Variants in FHIP1A observed in about 807,000 individuals in gnomAD.
FHIP1A encodes FHF complex subunit HOOK-interacting protein 1A.
In FHIP1A, 61 loss-of-function variants were observed where a neutral mutation model predicts 88.6. That is an observed-to-expected ratio of 0.69 (90% CI 0.56 to 0.85). The LOEUF (loss-of-function observed/expected upper bound fraction) is 0.85, where lower values mean the gene tolerates loss of function less well. Among genes scored for constraint, FHIP1A ranks in the 40% least tolerant of loss-of-function variants. The pLI, the probability that FHIP1A is intolerant of heterozygous loss-of-function variation, is 0.00. For missense variants in FHIP1A, 1,154 were observed against 1,273.5 expected, an observed-to-expected ratio of 0.91 and a Z score of 1.43; for synonymous variants, 478 against 496.0, an observed-to-expected ratio of 0.96 and a Z score of 0.48.
At chr4:151,411,418 C>T (rs750007396) in intron 1 of FHIP1A, among the ~76,000 whole-genome samples, 4 of 145,758 alleles carry the variant, frequency 2.7e-5, no homozygotes, top group African/African-American at 7.7e-5. Flanking sequence ...GGCATGATCT[C>T]GGCTCACTGC....
At chr4:151,567,493 T>C (rs1472321847) in intron 4 of FHIP1A, among the ~76,000 whole-genome samples, 3 of 152,100 alleles carry the variant, frequency 2.0e-5, no homozygotes, top group Non-Finnish European at 2.9e-5. Context: ...AGAATTTTAA[T>C]GGATTTGCTA....
At chr4:151,483,688 C>T (rs1189487680) in intron 3 of FHIP1A, among the ~76,000 whole-genome samples, 1 of 151,996 alleles carries the variant, frequency 6.6e-6, no homozygotes, top group East Asian at 1.9e-4. Flanking sequence ...CTGTTCTATA[C>T]CATGGTAGGA....
chr4:151,438,144 A>G lies in FHIP1A; in HGVS notation c.-355-16557A>G, dbSNP rs1226801897. Among the ~76,000 whole-genome samples, 5 of 152,118 alleles carry G rather than the reference A, an allele frequency of 3.3e-5. No homozygotes were observed. In the South Asian group the frequency reaches 6.2e-4, roughly 19 times the overall value. On this transcript the variant is annotated intron_variant, in intron 1 of 13. Coordinates refer to ENST00000435205, the MANE Select transcript of FHIP1A (RefSeq NM_001109977.3). ...TAGATGTGTTTATTAAGATTTACAT[A>G]TGGGGCACTCCTGGGTGGCAGCAGA...
chr4:151,632,829 G>A (rs1007796070), intron 8 of FHIP1A, among the ~76,000 whole-genome samples: 33 of 151,940 alleles, frequency 2.2e-4, no homozygotes, highest in African/African-American at 8.0e-4. Flanking sequence ...AGTGAAAGCA[G>A]TACTAAGAGG....
At chr4:151,647,470 T>A (rs1736842311) in intron 10 of FHIP1A, among the ~76,000 whole-genome samples, 1 of 152,196 alleles carries the variant, frequency 6.6e-6, no homozygotes, top group Non-Finnish European at 1.5e-5. Flanking sequence ...GCGTTTCCAG[T>A]TTATATTCTG....
At chr4:151,484,396 A>C (rs749057500) in intron 3 of FHIP1A, among the ~76,000 whole-genome samples, 30 of 152,196 alleles carry the variant, frequency 2.0e-4, no homozygotes, top group Non-Finnish European at 2.8e-4. Flanking sequence ...TGAGTTGTGC[A>C]GGAGACTTTG....
chr4:151,547,806 C>T (rs1171729210), intron 3 of FHIP1A, among the ~76,000 whole-genome samples: 1 of 151,888 alleles, frequency 6.6e-6, no homozygotes, highest in Non-Finnish European at 1.5e-5. Context: ...CCCAGCTACT[C>T]GGGAAGCTGA....
chr4:151,498,283 G>T (rs1730532291), intron 3 of FHIP1A, among the ~76,000 whole-genome samples: 1 of 152,210 alleles, frequency 6.6e-6, no homozygotes, highest in Admixed American at 6.5e-5. Flanking sequence ...GTACCCGTAT[G>T]AATTCAGGGA....
Position 151,668,987 on chromosome 4 carries a change from A to G in FHIP1A, c.*6233A>G, listed in dbSNP as rs934688025. On this transcript the variant is annotated 3_prime_UTR_variant, in exon 14 of 14. Transcript: ENST00000435205. ...GGCAATGGCATCACCTGTGGTGCCA[A>G]CTCATACATTTTAATGAGATTTCTC... 6.6e-6 allele frequency among the ~76,000 whole-genome samples: 1 copy of G among 152,206 alleles called. No individual in the cohort carries two copies. The highest frequency in any genetic ancestry group is 2.1e-4 in the South Asian group (1 of 4,832).
At chr4:151,549,677 G>A (rs920212545) in intron 3 of FHIP1A, among the ~76,000 whole-genome samples, 1 of 152,052 alleles carries the variant, frequency 6.6e-6, no homozygotes, top group Non-Finnish European at 1.5e-5. Flanking sequence ...TGCCTATGGA[G>A]TAGCCATTCT....
intron 7 of FHIP1A, among the ~76,000 whole-genome samples, chr4:151,624,656 T>G (rs1443748643): frequency 6.6e-6 from 1 of 152,188 alleles, no homozygotes; most frequent in Non-Finnish European, 1.5e-5. Context: ...AAATCCTCAT[T>G]GTAGCCAGTC....
chr4:151,601,309 G>C (rs1734858818), intron 7 of FHIP1A, among the ~76,000 whole-genome samples: 1 of 152,084 alleles, frequency 6.6e-6, no homozygotes, highest in Non-Finnish European at 1.5e-5. Context: ...ATAGGGCAAG[G>C]TGGAAAAGGT....
rs1373673912 is a variant in FHIP1A at position 151,478,208 on chromosome 4, C to T, written c.-247-4316C>T. 2.6e-5 allele frequency among the ~76,000 whole-genome samples: 4 copies of T among 151,996 alleles called. No individual in the cohort carries two copies. In the East Asian group the frequency reaches 7.7e-4, roughly 29 times the overall value. Reference sequence around the variant, plus strand: ...CACACCAGTGAATTCTCTTTAGGTACCAATTTGGAAACATTGCCAATGTAT... The same window carrying T: ...CACACCAGTGAATTCTCTTTAGGTATCAATTTGGAAACATTGCCAATGTAT... On this transcript the variant is annotated intron_variant, in intron 2 of 13. Transcript: ENST00000435205.
intron 5 of FHIP1A, 66 bp downstream of exon 5, chr4:151,578,142 A>G: frequency 7.2e-7 from 1 of 1,387,044 alleles, no homozygotes; most frequent in Non-Finnish European, 9.7e-7. Context: ...CTAGTGATGA[A>G]TACTTTCTTA....
Position 151,649,461 on chromosome 4 carries a change from C to A in FHIP1A, c.1420C>A (p.Pro474Thr). The A allele has an allele frequency of 6.5e-7, 1 of 1,544,232 alleles. No homozygotes were observed. The highest frequency in any genetic ancestry group is 1.2e-5 in the South Asian group (1 of 82,090). The change falls in exon 11 of 14, where the codon CCT becomes ACT. Residue 474 changes from proline (P) to threonine (T), a missense_variant and splice_region_variant. Coordinates refer to ENST00000435205, the MANE Select transcript of FHIP1A (RefSeq NM_001109977.3). ...ACCAGCCTCTGCCTCCTGTGCAGGG[C>A]CTGTGGAGCGGCCATTCCCCGAAGC... Reference protein sequence around the residue: ...WSKCMHDTSGPVERPFPEAFS... With the variant: ...WSKCMHDTSGTVERPFPEAFS...
rs186402735 is a variant in FHIP1A at position 151,649,794 on chromosome 4, A to G, written c.1753A>G (p.Thr585Ala). Residue 585 changes from threonine (T) to alanine (A), a missense_variant, in exon 11 of 14, where the codon ACT (threonine) becomes GCT (alanine). Thr to Ala is a moderately conservative substitution (Grantham distance 58). Transcript: ENST00000435205. ...TELEWDDSYD[T>A]GISSGADVGS... ...GCTGGAATGGGATGACAGCTATGAC[A>G]CTGGAATCTCCTCAGGGGCTGACGT... 1.3e-6 allele frequency: 2 copies of G among 1,551,700 alleles called. No individual in the cohort carries two copies. Among genetic ancestry groups the G allele is most frequent in the Admixed American group, 3.9e-5 (2 of 50,996 alleles).
chr4:151,544,333 G>A (rs1346076681), intron 3 of FHIP1A, among the ~76,000 whole-genome samples: 1 of 152,140 alleles, frequency 6.6e-6, no homozygotes, highest in African/African-American at 2.4e-5. Context: ...CATTGACCCC[G>A]ATCTGGCTTC....
intron 3 of FHIP1A, among the ~76,000 whole-genome samples, chr4:151,510,577 AT>A (rs1248149003): frequency 1.3e-5 from 2 of 152,112 alleles, no homozygotes; most frequent in Admixed American, 6.6e-5. Context: ...TACTGAGTGC[AT>A]TTTTTGAACC....
intron 7 of FHIP1A, among the ~76,000 whole-genome samples, chr4:151,616,173 C>A (rs947518582): frequency 6.6e-6 from 1 of 152,132 alleles, no homozygotes; most frequent in Non-Finnish European, 1.5e-5. Flanking sequence ...ATCTGTACTG[C>A]AGTTTCAGAA....
Sources: allele counts gnomAD v4.1 joint callset (sites outside exome capture counted in the v4.1 genomes callset), GRCh38; gene constraint gnomAD v4.1.1; transcripts MANE v1.5; gene names NCBI Gene and HGNC (gene_info 2026-07-23, HGNC 2026-07-21).